The following ARG1 variants were observed in gnomAD, a reference collection of about 807,000 sequenced individuals.
ARG1 encodes the protein arginase-1.
Under a neutral mutation model 33.0 loss-of-function variants are expected in ARG1, and 20 were observed. The observed-to-expected ratio is 0.61, with a 90% CI of 0.43 to 0.88. The LOEUF (loss-of-function observed/expected upper bound fraction) is 0.88, where lower values mean the gene tolerates loss of function less well. Among genes scored for constraint, ARG1 ranks in the 40% least tolerant of loss-of-function variants. The pLI is 0.00. For synonymous variants in ARG1, 146 were observed against 140.6 expected (o/e 1.04, Z -0.27); for missense variants, 374 against 384.7 (o/e 0.97, Z 0.23).
At position 131,574,118 on chromosome 6, in the gene ARG1, C is replaced by T. The variant is rs145344967; in HGVS notation, c.57+779C>T. 269 of 764,346 alleles carry T rather than the reference C, an allele frequency of 3.5e-4. No homozygotes were observed. The African/African-American group carries it at 3.7e-3, about 11-fold the overall frequency. 47.3% of individuals were successfully genotyped at this position (764,346 alleles called of 1,614,324 possible). On this transcript the variant is annotated intron_variant, in intron 1 of 7. Transcript: ENST00000368087. ...TAGTAAAGAGAGTGTGATGACAGAA[C>T]ACCTTAGACTTCAACACGCATCTGT...
rs192486412 is a variant in ARG1 at position 131,578,838 on chromosome 6, C to T, written c.131-273C>T. Among the ~76,000 whole-genome samples, 86 of 152,230 alleles carry T rather than the reference C, an allele frequency of 5.6e-4. No individual in the cohort carries two copies. The East Asian group carries it at 0.014, about 25-fold the overall frequency. ...TATTAAGCCCAAACCAGAAGATTAT[C>T]ACTGTTACATTTTGGTGTCTAGTTT... On this transcript the variant is annotated intron_variant, in intron 2 of 7. Transcript: ENST00000368087.
chr6:131,584,268 G>A lies in ARG1; in HGVS notation c.*360G>A, dbSNP rs1319225383. ...AGACAAAGCTACCACATGTGGAAAG[G>A]TACTATGTGTCCATGTCATTCAAAA... On this transcript the variant is annotated 3_prime_UTR_variant, in exon 8 of 8. Coordinates refer to ENST00000368087, the MANE Select transcript of ARG1 (RefSeq NM_000045.4). The A allele has an allele frequency of 8.0e-6, 2 of 249,962 alleles. No individual in the cohort carries two copies. Among genetic ancestry groups the A allele is most frequent in the African/African-American group, 2.3e-5 (1 of 43,070 alleles). 15.5% of individuals were successfully genotyped at this position (249,962 alleles called of 1,614,324 possible). A position where few individuals can be genotyped will look rare whatever the true frequency, so the allele number is the denominator to read the frequency against.
intron 3 of ARG1, 139 bp downstream of exon 3, chr6:131,579,424 T>G (rs1045215279): frequency 7.6e-6 from 7 of 917,322 alleles, no homozygotes; most frequent in African/African-American, 3.4e-5. Context: ...TTAAAAAAAT[T>G]TTATAGGTTA....
Position 131,582,687 on chromosome 6 carries a change from G to T in ARG1, c.532G>T (p.Gly178Cys). 6.2e-7 allele frequency: 1 copy of T among 1,613,776 alleles called. No individual in the cohort carries two copies. Among genetic ancestry groups the T allele is most frequent in the Non-Finnish European group, 8.5e-7 (1 of 1,179,788 alleles). The change falls in exon 5 of 8, where the codon GGC (glycine) becomes TGC (cysteine). Residue 178 changes from glycine to cysteine, a missense_variant. Physicochemically the swap from Gly to Cys is radical, Grantham distance 159 (BLOSUM62 -3). Coordinates refer to ENST00000368087, the MANE Select transcript of ARG1 (RefSeq NM_000045.4). Reference sequence around the variant, plus strand: ...ATCTGCCAAGGATATTGTGTATATTGGCTTGAGAGACGTGGACCCTGGGGA... The same window carrying T: ...ATCTGCCAAGGATATTGTGTATATTTGCTTGAGAGACGTGGACCCTGGGGA... ...CISAKDIVYIGLRDVDPGEHY... is the reference protein window; with the variant it reads ...CISAKDIVYICLRDVDPGEHY...
chr6:131,576,547 A>C, intron 1 of ARG1, 116 bp from the exon 2 acceptor site: 5 of 954,086 alleles, frequency 5.2e-6, no homozygotes, highest in African/African-American at 1.6e-5. Context: ...CTGGCTCTGT[A>C]GGAGCTCAAA....
chr6:131,581,317 C>A lies in ARG1; in HGVS notation c.404C>A (p.Thr135Asn), dbSNP rs1451472748. ...AHTDINTPLT[T>N]TSGNLHGQPV... ...ACTGATATCAACACTCCACTGACAACCACAAGTGGAAACTTGCATGGACAA... is the reference window on the plus strand; with the variant it reads ...ACTGATATCAACACTCCACTGACAAACACAAGTGGAAACTTGCATGGACAA... The change falls in exon 4 of 8, where the codon ACC (threonine) becomes AAC (asparagine). Residue 135 changes from threonine to asparagine, a missense_variant. By Grantham distance (65) the Thr-to-Asn change is moderately conservative. Transcript: ENST00000368087. 6.2e-7 allele frequency: 1 copy of A among 1,613,878 alleles called. No homozygotes were observed. The highest frequency in any genetic ancestry group is 1.7e-5 in the Admixed American group (1 of 59,998).
At chr6:131,582,843 A>G (rs1425297994) in intron 5 of ARG1, 128 bp downstream of exon 5, 1 of 830,142 alleles carries the variant, frequency 1.2e-6, no homozygotes, top group African/African-American at 1.7e-5. Context: ...GCCCACACAC[A>G]TATATTTATA....
intron 2 of ARG1, among the ~76,000 whole-genome samples, chr6:131,578,772 GAGAGAGAC>G (rs993961860): frequency 2.2e-4 from 34 of 152,108 alleles, no homozygotes; most frequent in Middle Eastern, 3.4e-3. Flanking sequence ...CACATAAGCA[GAGAGAGAC>G]AGAGAGACAG....
At position 131,582,704 on chromosome 6, in the gene ARG1, C is replaced by T. The variant is rs1773993991; in HGVS notation, c.549C>T (p.Asp183=). 2 of 1,613,546 alleles carry T rather than the reference C, an allele frequency of 1.2e-6. No individual in the cohort carries two copies. Among genetic ancestry groups the T allele is most frequent in the Non-Finnish European group, 1.7e-6 (2 of 1,179,632 alleles). Residue 183 remains aspartate (D), a synonymous_variant, in exon 5 of 8, where the codon GAC becomes GAT. Transcript: ENST00000368087. ...DIVYIGLRDV[D]PGEHYILKTL... Reference sequence around the variant, plus strand: ...TGTATATTGGCTTGAGAGACGTGGACCCTGGGGAACAGTAAGCTTATTCCT... The same window carrying T: ...TGTATATTGGCTTGAGAGACGTGGATCCTGGGGAACAGTAAGCTTATTCCT...
chr6:131,577,904 CA>C (rs574140142), intron 2 of ARG1, among the ~76,000 whole-genome samples: 1,890 of 74,986 alleles, frequency 0.025, 28 homozygotes, highest in African/African-American at 0.076. Flanking sequence ...ACTCCATCTC[CA>C]AAAAAAAAAA....
chr6:131,580,907 C>T lies in ARG1; in HGVS notation c.306-312C>T, dbSNP rs189404945. On this transcript the variant is annotated intron_variant, in intron 3 of 7. Transcript: ENST00000368087. ...TCATGCTAAGGAATTTCTTGTGTGG[C>T]TAGTATTTTTATACTCATTTATTTT... Among the ~76,000 whole-genome samples, 279 of 152,212 alleles carry T rather than the reference C, an allele frequency of 1.8e-3. 2 individuals are homozygous for T. The highest frequency in any genetic ancestry group is 6.6e-3 in the African/African-American group (273 of 41,530).
At position 131,574,026 on chromosome 6, in the gene ARG1, G is replaced by A. The variant is rs761464469; in HGVS notation, c.57+687G>A. ...AACCCCCAGATTTCCTTACAGCCACGAGCTGTGAATCCACACATGCCAGCA... is the reference window on the plus strand; with the variant it reads ...AACCCCCAGATTTCCTTACAGCCACAAGCTGTGAATCCACACATGCCAGCA... On this transcript the variant is annotated intron_variant, in intron 1 of 7. Transcript: ENST00000368087. 2.5e-5 allele frequency: 13 copies of A among 509,866 alleles called. No homozygotes were observed. The Middle Eastern group carries it at 2.1e-3, about 83-fold the overall frequency. 31.6% of individuals were successfully genotyped at this position (509,866 alleles called of 1,614,324 possible). A position where few individuals can be genotyped will look rare whatever the true frequency, so the allele number is the denominator to read the frequency against.
At chr6:131,575,292 A>G (rs2114514231) in intron 1 of ARG1, among the ~76,000 whole-genome samples, 1 of 152,334 alleles carries the variant, frequency 6.6e-6, no homozygotes, top group Admixed American at 6.5e-5. Context: ...ACACTACAAA[A>G]TATAGTGCCC....
At chr6:131,574,285 C>CT (rs1773507714) in intron 1 of ARG1, 1 of 1,613,972 alleles carries the variant, frequency 6.2e-7, no homozygotes, top group East Asian at 2.2e-5. Flanking sequence ...GCTGTGTACT[C>CT]TGACTTTTTA....
intron 2 of ARG1, among the ~76,000 whole-genome samples, chr6:131,578,266 A>T (rs1773728180): frequency 6.6e-6 from 1 of 152,086 alleles, no homozygotes. Context: ...CTTAACTGAC[A>T]AGCATAATTT....
chr6:131,582,680 G>A lies in ARG1; in HGVS notation c.525G>A (p.Val175=), dbSNP rs779060814. The change falls in exon 5 of 8, where the codon GTG becomes GTA. Residue 175 remains valine, a synonymous_variant. Transcript: ENST00000368087. ...VTPCISAKDI[V]YIGLRDVDPG... is the part of the protein sequence containing the mutation. ...CCTGTATATCTGCCAAGGATATTGTGTATATTGGCTTGAGAGACGTGGACC... is the reference window on the plus strand; with the variant it reads ...CCTGTATATCTGCCAAGGATATTGTATATATTGGCTTGAGAGACGTGGACC... 45 of 1,613,720 alleles carry A rather than the reference G, an allele frequency of 2.8e-5. No homozygotes were observed. The highest frequency in any genetic ancestry group is 5.0e-5 in the Admixed American group (3 of 59,996).
At chr6:131,579,059 C>G (rs1032803752) in intron 2 of ARG1, 52 bp from the exon 3 acceptor site, 4 of 1,590,180 alleles carry the variant, frequency 2.5e-6, no homozygotes, top group Non-Finnish European at 3.4e-6. Flanking sequence ...CCTACACAGA[C>G]TGATTTATAA....
rs187855396 is a variant in ARG1, at chr6:131,578,585, T to C, written c.131-526T>C. On this transcript the variant is annotated intron_variant, in intron 2 of 7. Coordinates refer to ENST00000368087, the MANE Select transcript of ARG1 (RefSeq NM_000045.4). ...ATATTCACATATTCTTATTTATTTATGATAATACCACTATGAGGCAGGTTC... is the reference window on the plus strand; with the variant it reads ...ATATTCACATATTCTTATTTATTTACGATAATACCACTATGAGGCAGGTTC... 1.6e-4 allele frequency among the ~76,000 whole-genome samples: 25 copies of C among 152,296 alleles called. 1 individual carries two copies. In the East Asian group the frequency reaches 4.8e-3, roughly 29 times the overall value.
At chr6:131,582,076 C>T (rs958942441) in intron 4 of ARG1, among the ~76,000 whole-genome samples, 1 of 152,076 alleles carries the variant, frequency 6.6e-6, no homozygotes, top group African/African-American at 2.4e-5. Context: ...TATGATGATA[C>T]AAGAGGTTAA....
Sources: allele counts gnomAD v4.1 joint callset (sites outside exome capture counted in the v4.1 genomes callset), GRCh38; gene constraint gnomAD v4.1.1; transcripts MANE v1.5; gene names NCBI Gene and HGNC (gene_info 2026-07-23, HGNC 2026-07-21).